Variants in GTPBP10 observed in about 807,000 individuals in gnomAD.
GTPBP10 encodes GTP binding protein 10, also known as GTP-binding protein 10.
Under a neutral mutation model 44.8 loss-of-function variants are expected in GTPBP10, and 38 were observed. That is an observed-to-expected ratio of 0.85 (90% confidence interval 0.65 to 1.11). The LOEUF is 1.11. Among genes scored for constraint, GTPBP10 ranks in the 50% most tolerant of loss-of-function variants. GTPBP10 has a pLI of 0.00. For missense variants in GTPBP10, 462 were observed against 453.7 expected, an observed-to-expected ratio of 1.02 and a Z score of -0.17; for synonymous variants, 152 against 150.6, an observed-to-expected ratio of 1.01 and a Z score of -0.07.
chr7:90,352,908 T>A lies in GTPBP10; in HGVS notation c.126T>A (p.Gly42=). The A allele has an allele frequency of 6.2e-7, 1 of 1,613,462 alleles. No homozygotes were observed. Among genetic ancestry groups the A allele is most frequent in the Non-Finnish European group, 8.5e-7 (1 of 1,179,792 alleles). ...GTTTAGGTGGAGAAGGTGGAAAAGG[T>A]GGTGATGTCTGGGTTGTAGCCCAGA... ...YPRLGGEGGK[G]GDVWVVAQNR... Residue 42 remains glycine (G), a synonymous_variant, in exon 2 of 10, where the codon GGT becomes GGA. Transcript: ENST00000222511.
Position 90,352,862 on chromosome 7 carries a change from C to A in GTPBP10, c.80C>A (p.Ser27Tyr). ...DKLRLFTRGG[S>Y]GGMGYPRLGG... ...CTAAGACTCTTCACCAGGGGAGGAT[C>A]CGGTGGAATGGGTTATCCTCGTTTA... The change falls in exon 2 of 10, where the codon TCC becomes TAC. Residue 27 changes from serine (S) to tyrosine (Y), a missense_variant. Transcript: ENST00000222511. 1 of 1,613,102 alleles carries A rather than the reference C, an allele frequency of 6.2e-7. No homozygotes were observed. Among genetic ancestry groups the A allele is most frequent in the Non-Finnish European group, 8.5e-7 (1 of 1,179,658 alleles).
At chr7:90,368,530 A>G (rs946362685) in intron 4 of GTPBP10, among the ~76,000 whole-genome samples, 20 of 151,632 alleles carry the variant, frequency 1.3e-4, no homozygotes, top group Non-Finnish European at 2.6e-4. Context: ...GCTTTATTTC[A>G]TTAATTTAAT....
chr7:90,364,088 C>T (rs1034780808), intron 4 of GTPBP10, among the ~76,000 whole-genome samples: 1 of 152,208 alleles, frequency 6.6e-6, no homozygotes, highest in African/African-American at 2.4e-5. Context: ...CAACTTCCTC[C>T]TTTAGCTCGG....
In GTPBP10 at chr7:90,390,580, T is replaced by G. The variant is rs1390530864; in HGVS notation, c.*5426T>G. The G allele has an allele frequency of 1.3e-5, 2 of 152,228 alleles. No homozygotes were observed. Among genetic ancestry groups the G allele is most frequent in the Non-Finnish European group, 2.9e-5 (2 of 68,030 alleles). The allele number at this position is 152,228 out of a possible 1,614,324, so 9.4% of individuals were successfully genotyped here. On this transcript the variant is annotated 3_prime_UTR_variant, in exon 10 of 10. Coordinates refer to ENST00000222511, the MANE Select transcript of GTPBP10 (RefSeq NM_033107.4). ...CCAAGTCGTGTGCCTTTGAAATACTTGGAATTTGAAGAACAGGACATGCAG... is the reference window on the plus strand; with the variant it reads ...CCAAGTCGTGTGCCTTTGAAATACTGGGAATTTGAAGAACAGGACATGCAG...
intron 7 of GTPBP10, 28 bp downstream of exon 7, chr7:90,377,642 T>C: frequency 1.5e-6 from 2 of 1,367,514 alleles, no homozygotes; most frequent in Non-Finnish European, 2.0e-6. Flanking sequence ...TAATGTGATA[T>C]TCAAATAAAT....
At chr7:90,350,959 G>A (rs556967705) in intron 1 of GTPBP10, among the ~76,000 whole-genome samples, 15 of 152,276 alleles carry the variant, frequency 9.9e-5, no homozygotes, top group Non-Finnish European at 2.1e-4. Flanking sequence ...ACAGTGTAGC[G>A]CTGAACATGA....
chr7:90,355,059 G>A (rs1795867902), intron 3 of GTPBP10, 27 bp from the exon 4 acceptor site: 5 of 1,443,986 alleles, frequency 3.5e-6, no homozygotes, highest in African/African-American at 1.4e-5. Context: ...AATCTTTGCT[G>A]TAAGTATTTC....
At chr7:90,359,858 C>T (rs954917018) in intron 4 of GTPBP10, among the ~76,000 whole-genome samples, 9 of 152,190 alleles carry the variant, frequency 5.9e-5, no homozygotes, top group Non-Finnish European at 7.3e-5. Flanking sequence ...GATGGTATCT[C>T]CTTGTGGTTT....
Position 90,372,147 on chromosome 7 carries a change from T to C in GTPBP10, c.465-8T>C. On this transcript the variant is annotated splice_region_variant and splice_polypyrimidine_tract_variant and intron_variant, in intron 4 of 9. Transcript: ENST00000222511. ...ACATTTGTGTATAATTTTATATTCT[T>C]GTTTCAGATTCCCAAATGCTGGAAA... 6.4e-7 allele frequency: 1 copy of C among 1,568,096 alleles called. No individual in the cohort carries two copies. The highest frequency in any genetic ancestry group is 1.1e-5 in the South Asian group (1 of 88,678).
Position 90,386,110 on chromosome 7 carries a change from C to G in GTPBP10, c.*956C>G, listed in dbSNP as rs908372397. 7.9e-5 allele frequency: 12 copies of G among 151,760 alleles called. No homozygotes were observed. The highest frequency in any genetic ancestry group is 2.4e-4 in the African/African-American group (10 of 41,358). 9.4% of individuals were successfully genotyped at this position (151,760 alleles called of 1,614,324 possible). On this transcript the variant is annotated 3_prime_UTR_variant, in exon 10 of 10. Transcript: ENST00000222511. ...TACATTTTACAAGTTTATGGCCAGCCCACCTGTAATAACATTCTCTGATAT... is the reference window on the plus strand; with the variant it reads ...TACATTTTACAAGTTTATGGCCAGCGCACCTGTAATAACATTCTCTGATAT...
chr7:90,347,631 T>C (rs917234207), intron 1 of GTPBP10: 1 of 231,768 alleles, frequency 4.3e-6, no homozygotes, highest in Non-Finnish European at 7.1e-6. Context: ...GTAAGTCCTT[T>C]ACCTACAAGA....
At position 90,355,180 on chromosome 7, in the gene GTPBP10, A is replaced by G. The variant is rs1433657602; in HGVS notation, c.414A>G (p.Lys138=). Residue 138 remains lysine, a synonymous_variant, in exon 4 of 10, where the codon AAA becomes AAG. Coordinates refer to ENST00000222511, the MANE Select transcript of GTPBP10 (RefSeq NM_033107.4). ...ATTTCTTACCATTGAAAGGCCAGAA[A>G]CGAATAATTCACCTTGATCTAAAAC... ...LTNFLPLKGQ[K]RIIHLDLKLI... 2 of 1,605,942 alleles carry G rather than the reference A, an allele frequency of 1.2e-6. No homozygotes were observed. The highest frequency in any genetic ancestry group is 1.7e-5 in the Admixed American group (1 of 59,142).
intron 4 of GTPBP10, among the ~76,000 whole-genome samples, chr7:90,369,331 C>T (rs1796205607): frequency 1.3e-5 from 2 of 152,236 alleles, no homozygotes; most frequent in Admixed American, 1.3e-4. Context: ...CTCTTCAGAG[C>T]TGTCAGACAG....
At chr7:90,348,999 A>G (rs1795737362) in intron 1 of GTPBP10, among the ~76,000 whole-genome samples, 1 of 152,088 alleles carries the variant, frequency 6.6e-6, no homozygotes, top group Admixed American at 6.6e-5. Flanking sequence ...TTAGCTCTTG[A>G]GTTTCTTCAA....
chr7:90,355,808 C>T (rs889554569), intron 4 of GTPBP10, among the ~76,000 whole-genome samples: 2 of 152,152 alleles, frequency 1.3e-5, no homozygotes, highest in African/African-American at 4.8e-5. Context: ...CAAGAGTGTC[C>T]TCTTCCACCA....
At chr7:90,378,364 C>G (rs1011752618) in intron 8 of GTPBP10, 153 bp downstream of exon 8, 1 of 669,656 alleles carries the variant, frequency 1.5e-6, no homozygotes, top group African/African-American at 2.0e-5. Context: ...TCCATTTCCT[C>G]TACATTCATT....
chr7:90,349,041 C>T (rs1271182761), intron 1 of GTPBP10, among the ~76,000 whole-genome samples: 2 of 152,164 alleles, frequency 1.3e-5, no homozygotes, highest in Non-Finnish European at 2.9e-5. Flanking sequence ...TACCCACTTT[C>T]CCGCCGTTTT....
intron 8 of GTPBP10, among the ~76,000 whole-genome samples, chr7:90,380,450 T>A (rs926954110): frequency 1.3e-5 from 2 of 152,228 alleles, no homozygotes; most frequent in African/African-American, 4.8e-5. Flanking sequence ...CTTTTCACTT[T>A]TTCAGTGTAT....
chr7:90,365,447 C>A (rs1426855753), intron 4 of GTPBP10, among the ~76,000 whole-genome samples: 2 of 139,616 alleles, frequency 1.4e-5, no homozygotes, highest in Non-Finnish European at 3.0e-5. Context: ...GGGATCTCGG[C>A]TCACTGCAAG....
Sources: gnomAD v4.1 joint callset for allele counts (sites outside exome capture counted in the v4.1 genomes callset) on GRCh38, gnomAD v4.1.1 for gene constraint, MANE v1.5 for transcripts, NCBI Gene and HGNC (gene_info 2026-07-23, HGNC 2026-07-21) for gene names.